Variants in TTC28 observed in about 807,000 individuals in gnomAD.
The protein encoded by TTC28 is tetratricopeptide repeat domain 28.
A neutral mutation model predicts 198.0 loss-of-function variants in TTC28; 61 were observed. The observed-to-expected ratio is 0.31, with a 90% CI of 0.25 to 0.38. The LOEUF (loss-of-function observed/expected upper bound fraction) is 0.38, where lower values mean the gene tolerates loss of function less well. Among genes scored for constraint, TTC28 ranks in the 10% least tolerant of loss-of-function variants. The pLI, the probability that TTC28 is intolerant of heterozygous loss-of-function variation, is 1.00. For synonymous variants in TTC28, 1,171 were observed against 1,297.8 expected, an observed-to-expected ratio of 0.90 and a Z score of 2.10; for missense variants, 2,678 against 3,164.0, an observed-to-expected ratio of 0.85 and a Z score of 3.69.
At chr22:28,226,725 C>G (rs1265968363) in intron 5 of TTC28, among the ~76,000 whole-genome samples, 1 of 152,134 alleles carries the variant, frequency 6.6e-6, no homozygotes, top group Non-Finnish European at 1.5e-5. Context: ...CTGCACCCGG[C>G]TGATGTTGAG....
At chr22:28,550,327 A>G (rs1430461969) in intron 2 of TTC28, among the ~76,000 whole-genome samples, 1 of 152,156 alleles carries the variant, frequency 6.6e-6, no homozygotes, top group Non-Finnish European at 1.5e-5. Flanking sequence ...ACAAAATGTC[A>G]GTAAGGTTTA....
intron 12 of TTC28, among the ~76,000 whole-genome samples, chr22:28,079,133 G>A (rs1192983467): frequency 6.6e-6 from 1 of 152,132 alleles, no homozygotes; most frequent in Admixed American, 6.5e-5. Flanking sequence ...TGTTTGGGGA[G>A]CTTTGTGGTG....
At position 27,996,152 on chromosome 22, in the gene TTC28, G is replaced by A. The variant is rs1336432825; in HGVS notation, c.5227C>T (p.Arg1743Ter). 2 of 1,550,100 alleles carry A rather than the reference G, an allele frequency of 1.3e-6. No homozygotes were observed. Among genetic ancestry groups the A allele is most frequent in the African/African-American group, 1.4e-5 (1 of 73,046 alleles). Residue 1743 changes from arginine (R) to a stop codon, truncating the protein, a stop_gained, in exon 17 of 23, where the codon CGA (arginine) becomes TGA (stop). Transcript: ENST00000397906. LOFTEE classifies it high-confidence loss of function. ...CCCCTTACCAGGTGCAGCAGCACTC[G>A]CAGGGCGTCCCGCGCACGCTCCGGG... ...QHPERARDALRVLLHLVEKSL... is the reference protein window; with the variant it reads ...QHPERARDAL
At chr22:28,282,613 CT>C (rs769874661) in intron 5 of TTC28, among the ~76,000 whole-genome samples, 2 of 152,178 alleles carry the variant, frequency 1.3e-5, no homozygotes, top group Non-Finnish European at 2.9e-5. Context: ...ATAATCTGGT[CT>C]TCCTGTTTTA....
At chr22:28,284,549 C>A (rs1601578997) in intron 5 of TTC28, among the ~76,000 whole-genome samples, 2 of 151,830 alleles carry the variant, frequency 1.3e-5, no homozygotes, top group East Asian at 3.9e-4. Context: ...TTCTGCACAG[C>A]AAAAGAAAAC....
chr22:28,431,451 G>A (rs2047428173), intron 2 of TTC28, among the ~76,000 whole-genome samples: 1 of 151,972 alleles, frequency 6.6e-6, no homozygotes, highest in South Asian at 2.1e-4. Flanking sequence ...GCTCATCCAT[G>A]GTAAGATTAT....
chr22:28,561,961 G>A (rs2049889727), intron 2 of TTC28, among the ~76,000 whole-genome samples: 1 of 152,114 alleles, frequency 6.6e-6, no homozygotes. Context: ...CTTGAAGGCA[G>A]TGACTATGTC....
intron 5 of TTC28, among the ~76,000 whole-genome samples, chr22:28,272,998 C>T (rs957627972): frequency 5.3e-5 from 8 of 152,194 alleles, no homozygotes; most frequent in African/African-American, 1.9e-4. Context: ...CCAAAGTTCA[C>T]AGTCCATCAA....
intron 11 of TTC28, among the ~76,000 whole-genome samples, chr22:28,094,960 A>C (rs1446786497): frequency 1.3e-5 from 2 of 152,214 alleles, no homozygotes; most frequent in Non-Finnish European, 2.9e-5. Context: ...AAGAGCAAAA[A>C]GGAACGGAAA....
intron 2 of TTC28, among the ~76,000 whole-genome samples, chr22:28,503,148 C>G (rs949179642): frequency 6.6e-6 from 1 of 152,056 alleles, no homozygotes; most frequent in East Asian, 1.9e-4. Context: ...AACAATATGC[C>G]TTTCCCCTCA....
At chr22:28,219,072 G>T (rs1259239916) in intron 5 of TTC28, among the ~76,000 whole-genome samples, 1 of 152,084 alleles carries the variant, frequency 6.6e-6, no homozygotes, top group Non-Finnish European at 1.5e-5. Flanking sequence ...CATACTTTGA[G>T]AACCACTGAT....
At chr22:28,183,796 GAC>G (rs1464088294) in intron 5 of TTC28, among the ~76,000 whole-genome samples, 1 of 151,908 alleles carries the variant, frequency 6.6e-6, no homozygotes, top group African/African-American at 2.4e-5. Flanking sequence ...TAGAATTTCT[GAC>G]AGTTTTACTT....
chr22:28,053,420 G>A (rs917915419), intron 12 of TTC28, among the ~76,000 whole-genome samples: 31 of 152,320 alleles, frequency 2.0e-4, no homozygotes, highest in African/African-American at 6.5e-4. Flanking sequence ...ACCTCTGTCT[G>A]AATCCAGGAT....
At chr22:28,424,188 C>T (rs1321711620) in intron 2 of TTC28, among the ~76,000 whole-genome samples, 1 of 152,120 alleles carries the variant, frequency 6.6e-6, no homozygotes, top group Non-Finnish European at 1.5e-5. Context: ...AAATTAGGCT[C>T]TTAATAATTA....
chr22:28,644,628 C>A (rs549841935), intron 1 of TTC28, among the ~76,000 whole-genome samples: 105 of 152,214 alleles, frequency 6.9e-4, no homozygotes, highest in African/African-American at 2.4e-3. Flanking sequence ...AGTTCAAGAC[C>A]AGCCTGGGCA....
chr22:28,267,357 G>C (rs1442633433), intron 5 of TTC28, among the ~76,000 whole-genome samples: 2 of 152,202 alleles, frequency 1.3e-5, no homozygotes, highest in South Asian at 4.1e-4. Context: ...GCATATCAAT[G>C]TGGAAGAAAG....
intron 2 of TTC28, among the ~76,000 whole-genome samples, chr22:28,509,829 AATG>A (rs1329243089): frequency 6.6e-6 from 1 of 152,212 alleles, no homozygotes. Context: ...ACAATAAAAA[AATG>A]ATAAGGGGGA....
intron 13 of TTC28, among the ~76,000 whole-genome samples, chr22:28,028,314 T>C (rs529236914): frequency 2.0e-5 from 3 of 152,290 alleles, no homozygotes; most frequent in Admixed American, 6.5e-5. Flanking sequence ...GGGGCGGAGA[T>C]TGTGTTGTAT....
chr22:28,295,093 AG>A (rs1213294211), intron 5 of TTC28, among the ~76,000 whole-genome samples: 3 of 152,340 alleles, frequency 2.0e-5, no homozygotes, highest in African/African-American at 7.2e-5. Context: ...AAAAGTGTTC[AG>A]GTAACTCTCT....
Sources: allele counts gnomAD v4.1 joint callset (sites outside exome capture counted in the v4.1 genomes callset), GRCh38; gene constraint gnomAD v4.1.1; transcripts MANE v1.5; gene names NCBI Gene and HGNC (gene_info 2026-07-23, HGNC 2026-07-21).